The following MYH10 variants were observed in gnomAD, a reference collection of about 807,000 sequenced individuals.
The protein encoded by MYH10 is myosin-10.
MYH10 carries 55 observed loss-of-function variants against 257.8 expected under a neutral mutation model. That is an observed-to-expected ratio of 0.21 (90% CI 0.17 to 0.27). The LOEUF is 0.27. Among genes scored for constraint, MYH10 ranks in the 10% least tolerant of loss-of-function variants. MYH10 has a pLI of 1.00. For synonymous variants in MYH10, 854 were observed against 921.7 expected (o/e 0.93, Z 1.33); for missense variants, 1,631 against 2,500.6 (o/e 0.65, Z 7.42).
chr17:8,614,793 C>T lies in MYH10; in HGVS notation c.345+8109G>A, dbSNP rs145362236. 2.4e-3 allele frequency among the ~76,000 whole-genome samples: 371 copies of T among 152,076 alleles called. 6 individuals are homozygous for T. The highest frequency in any genetic ancestry group is 7.3e-3 in the African/African-American group (302 of 41,472). ...ATAGAGGACCAACAAAGTCAAAAGT[C>T]TATTATTTGCAAAGAATAAAAAAAT... On this transcript the variant is annotated intron_variant, in intron 2 of 42. Transcript: ENST00000360416.
At chr17:8,613,788 C>G (rs201675005) in intron 2 of MYH10, among the ~76,000 whole-genome samples, 1 of 151,374 alleles carries the variant, frequency 6.6e-6, no homozygotes, top group Admixed American at 6.6e-5. Context: ...AGATTTGGGA[C>G]AAAAATAACC....
chr17:8,590,384 C>T (rs2084078820), intron 3 of MYH10, among the ~76,000 whole-genome samples: 1 of 152,006 alleles, frequency 6.6e-6, no homozygotes, highest in African/African-American at 2.4e-5. Flanking sequence ...GTGATCTCAG[C>T]TCACTGCAAC....
intron 31 of MYH10, among the ~76,000 whole-genome samples, chr17:8,494,708 A>C (rs924029767): frequency 2.6e-5 from 4 of 152,252 alleles, no homozygotes; most frequent in Admixed American, 2.6e-4. Context: ...GGATGATGCA[A>C]TACAGGTCTT....
At chr17:8,495,447 C>T (rs1916432348) in intron 30 of MYH10, among the ~76,000 whole-genome samples, 2 of 152,022 alleles carry the variant, frequency 1.3e-5, no homozygotes, top group South Asian at 4.2e-4. Flanking sequence ...GCCTCCCTGG[C>T]CACCTTAATA....
At chr17:8,580,611 C>CT in intron 4 of MYH10, among the ~76,000 whole-genome samples, 1 of 152,102 alleles carries the variant, frequency 6.6e-6, no homozygotes, top group Non-Finnish European at 1.5e-5. Context: ...CTCCTAGGCT[C>CT]TTTTTAATAA....
At chr17:8,510,060 A>G in intron 24 of MYH10, 111 bp from the exon 25 acceptor site, 3 of 1,017,220 alleles carry the variant, frequency 2.9e-6, no homozygotes, top group South Asian at 2.1e-5. Context: ...TTTTTTTGAC[A>G]CGGAGTCTCG....
intron 6 of MYH10, among the ~76,000 whole-genome samples, chr17:8,575,324 C>T (rs571657975): frequency 1.3e-5 from 2 of 152,280 alleles, no homozygotes; most frequent in Non-Finnish European, 2.9e-5. Flanking sequence ...GTATTAATTG[C>T]TTAACATTAT....
Position 8,623,241 on chromosome 17 carries a change from C to T in MYH10, c.6G>A (p.Ala2=), listed in dbSNP as rs375726376. 2.5e-6 allele frequency: 4 copies of T among 1,575,098 alleles called. No homozygotes were observed. Among genetic ancestry groups the T allele is most frequent in the Admixed American group, 4.0e-5 (2 of 49,446 alleles). Residue 2 remains alanine, a synonymous_variant, in exon 2 of 43, where the codon GCG becomes GCA. Coordinates refer to ENST00000360416, the MANE Select transcript of MYH10 (RefSeq NM_001256012.3). Reference sequence around the variant, plus strand: ...CTGGATCCTCGAGTCCAGTTCTCTGCGCCATTGTAAATGGAACGATCCAAA... The same window carrying T: ...CTGGATCCTCGAGTCCAGTTCTCTGTGCCATTGTAAATGGAACGATCCAAA... M[A]QRTGLEDPER...
At chr17:8,576,737 A>G (rs2083511249) in intron 5 of MYH10, 65 bp from the exon 6 acceptor site, 4 of 1,480,808 alleles carry the variant, frequency 2.7e-6, no homozygotes, top group Non-Finnish European at 3.7e-6. Flanking sequence ...GCAGTAAGCC[A>G]TTTCCAAAGC....
chr17:8,559,447 T>A (rs921484535), intron 7 of MYH10, among the ~76,000 whole-genome samples: 1 of 152,198 alleles, frequency 6.6e-6, no homozygotes, highest in Non-Finnish European at 1.5e-5. Context: ...GCAATAGTTA[T>A]TACTGTAGCA....
In MYH10 at chr17:8,504,673, T is replaced by C. The variant is rs1597672274; in HGVS notation, c.3599+21A>G. The C allele has an allele frequency of 6.2e-7, 1 of 1,607,712 alleles. No homozygotes were observed. Among genetic ancestry groups the C allele is most frequent in the Non-Finnish European group, 8.5e-7 (1 of 1,175,758 alleles). ...GAGAGGTCGGCAGGCGCCCGGGCCC[T>C]GCTTCCTCTCCCACACTCACCGTAG... On this transcript the variant is annotated intron_variant, in intron 28 of 42. Transcript: ENST00000360416. The surrounding 1 kb of genome is among the most constrained non-coding windows in gnomAD (Gnocchi z 5.6).
chr17:8,619,121 T>C (rs1169966544), intron 2 of MYH10, among the ~76,000 whole-genome samples: 2 of 152,244 alleles, frequency 1.3e-5, no homozygotes, highest in African/African-American at 4.8e-5. Flanking sequence ...TTGATATGCA[T>C]CAAAAGTCCT....
At chr17:8,489,334 TG>T (rs1195824793) in intron 35 of MYH10, among the ~76,000 whole-genome samples, 3 of 152,226 alleles carry the variant, frequency 2.0e-5, no homozygotes, top group African/African-American at 4.8e-5. Context: ...TTGTTAAGTT[TG>T]GGGTAATTTC....
intron 35 of MYH10, among the ~76,000 whole-genome samples, chr17:8,488,647 A>C (rs1799874283): frequency 1.3e-5 from 2 of 152,112 alleles, no homozygotes; most frequent in African/African-American, 4.8e-5. Context: ...GCTGGTATGG[A>C]GGCACCAAGG....
chr17:8,623,268 G>C lies in MYH10; in HGVS notation c.-22C>G. The C allele has an allele frequency of 1.3e-6, 2 of 1,553,884 alleles. No individual in the cohort carries two copies. The highest frequency in any genetic ancestry group is 1.7e-6 in the Non-Finnish European group (2 of 1,153,206). ...CCATTGTAAATGGAACGATCCAAAA[G>C]CAATTGCCTCTAAGAGAAGAGGAGG... On this transcript the variant is annotated 5_prime_UTR_variant, in exon 2 of 43. Coordinates refer to ENST00000360416, the MANE Select transcript of MYH10 (RefSeq NM_001256012.3).
At chr17:8,571,685 G>A (rs1179969650) in intron 6 of MYH10, among the ~76,000 whole-genome samples, 1 of 151,926 alleles carries the variant, frequency 6.6e-6, no homozygotes, top group African/African-American at 2.4e-5. Context: ...TTGAACCGAG[G>A]AGGCAGAGGT....
At chr17:8,561,683 A>G in intron 7 of MYH10, 2 of 632,622 alleles carry the variant, frequency 3.2e-6, no homozygotes, top group Non-Finnish European at 5.5e-6. Context: ...TGAACAGGTG[A>G]GCTGTAGAGA....
chr17:8,578,245 T>TTCTTTC (rs200848673), intron 4 of MYH10, among the ~76,000 whole-genome samples: 6 of 144,486 alleles, frequency 4.2e-5, no homozygotes, highest in African/African-American at 1.0e-4. Flanking sequence ...CTTTCTTTCT[T>TTCTTTC]TTTTTTTTTT....
intron 12 of MYH10, 62 bp downstream of exon 12, chr17:8,546,482 G>A (rs1427549199): frequency 7.4e-7 from 1 of 1,346,212 alleles, no homozygotes; most frequent in East Asian, 2.3e-5. Flanking sequence ...TCAATCAGAA[G>A]GCCAAATGGC....
Sources: gnomAD v4.1 joint callset for allele counts (sites outside exome capture counted in the v4.1 genomes callset) on GRCh38, gnomAD v4.1.1 for gene constraint, Gnocchi (gnomAD v3.1) non-coding constraint, MANE v1.5 for transcripts, NCBI Gene and HGNC (gene_info 2026-07-23, HGNC 2026-07-21) for gene names.